BSN: variants seen among roughly 807,000 people sequenced by gnomAD.
BSN encodes the protein protein bassoon.
In BSN, 57 loss-of-function variants were observed where a neutral mutation model predicts 264.8. The ratio of observed to expected loss-of-function variants is 0.22; its 90% CI spans 0.17 to 0.27. BSN has a LOEUF of 0.27. Ranked by LOEUF, BSN falls within the 10% of genes least tolerant of loss-of-function variation. The probability of loss-of-function intolerance (pLI) is 1.00; values close to 1 mark genes in which losing one functional copy is unlikely to be tolerated. For synonymous variants in BSN, 2,059 were observed against 2,137.3 expected (o/e 0.96, Z 1.01); for missense variants, 4,615 against 5,232.5 (o/e 0.88, Z 3.64).
intron 2 of BSN, among the ~76,000 whole-genome samples, chr3:49,632,567 G>A (rs1221561800): frequency 6.6e-6 from 1 of 152,164 alleles, no homozygotes; most frequent in African/African-American, 2.4e-5. Flanking sequence ...ACTTTGGGAG[G>A]CTCAGGCAGG....
chr3:49,634,424 T>C (rs1458694382), intron 2 of BSN, among the ~76,000 whole-genome samples: 2 of 152,230 alleles, frequency 1.3e-5, no homozygotes, highest in African/African-American at 2.4e-5. Flanking sequence ...TTTTTTTTTA[T>C]TTGTTCATTT....
In BSN at chr3:49,663,662, G is replaced by T; in HGVS notation, c.11504G>T (p.Gly3835Val). 1.9e-6 allele frequency: 3 copies of T among 1,603,664 alleles called. No individual in the cohort carries two copies. Among genetic ancestry groups the T allele is most frequent in the Non-Finnish European group, 2.6e-6 (3 of 1,173,824 alleles). Residue 3835 changes from glycine to valine, a missense_variant, in exon 7 of 12, where the codon GGA (glycine) becomes GTA (valine). Physicochemically the swap from Gly to Val is moderately radical, Grantham distance 109. Coordinates refer to ENST00000296452, the MANE Select transcript of BSN (RefSeq NM_003458.4). Reference protein sequence around the residue: ...PSTATGPQPAGPPRAEQTNGS... With the variant: ...PSTATGPQPAVPPRAEQTNGS... ...ACAGCCACAGGTCCTCAACCAGCAG[G>T]ACCGGTAAGCAGAGCTCCCATGCAT... is the stretch of plus-strand genomic sequence containing the variant.
chr3:49,560,065 GT>G (rs887476120), intron 1 of BSN, among the ~76,000 whole-genome samples: 28 of 149,672 alleles, frequency 1.9e-4, no homozygotes, highest in Middle Eastern at 3.5e-3. Flanking sequence ...GAGGAAAGTT[GT>G]TTTTTTTTTC....
Position 49,585,461 on chromosome 3 carries a change from G to A in BSN, c.224+30635G>A, listed in dbSNP as rs1023407386. 2.0e-5 allele frequency among the ~76,000 whole-genome samples: 3 copies of A among 152,252 alleles called. No individual in the cohort carries two copies. The highest frequency in any genetic ancestry group is 7.2e-5 in the African/African-American group (3 of 41,536). On this transcript the variant is annotated intron_variant, in intron 1 of 11. Coordinates refer to ENST00000296452, the MANE Select transcript of BSN (RefSeq NM_003458.4). The surrounding 1 kb of genome is among the most constrained non-coding windows in gnomAD (Gnocchi z 4.7). ...AGCGGACAGACAGGGATTGGGTTTC[G>A]TGTGCCTGCCACACCAGGCAGGCTC...
chr3:49,665,313 A>T lies in BSN; in HGVS notation c.*99A>T, dbSNP rs1004488198. ...CTGGGCGCAGCTCTGGACTCTGCGT[A>T]TAACAGTGAGTGTCAGGATCAGGGT... On this transcript the variant is annotated 3_prime_UTR_variant, in exon 11 of 12. Coordinates refer to ENST00000296452, the MANE Select transcript of BSN (RefSeq NM_003458.4). The T allele has an allele frequency of 6.5e-6, 1 of 154,968 alleles. No individual in the cohort carries two copies. The highest frequency in any genetic ancestry group is 2.4e-5 in the African/African-American group (1 of 41,510). 9.6% of individuals were successfully genotyped at this position (154,968 alleles called of 1,614,324 possible). A position where few individuals can be genotyped will look rare whatever the true frequency, so the allele number is the denominator to read the frequency against.
chr3:49,575,636 G>GTA lies in BSN; in HGVS notation c.224+20818_224+20819dup, dbSNP rs765713548. Among the ~76,000 whole-genome samples the GTA allele has an allele frequency of 3.0e-5, 3 of 98,768 alleles. No homozygotes were observed. The East Asian group carries it at 1.0e-3, about 34-fold the overall frequency. 64.8% of individuals were successfully genotyped at this position (98,768 alleles called of 152,430 possible). ...ATGTGTATATATATAGTATATATATGTATATATATGTGTGTGTGTGTGTAT... is the reference window on the plus strand; with the variant it reads ...ATGTGTATATATATAGTATATATATGTATATATATATGTGTGTGTGTGTGTAT... On this transcript the variant is annotated intron_variant, in intron 1 of 11. Transcript: ENST00000296452.
chr3:49,620,458 A>C (rs2052296249), intron 1 of BSN, among the ~76,000 whole-genome samples: 1 of 150,732 alleles, frequency 6.6e-6, no homozygotes, highest in South Asian at 2.1e-4. Flanking sequence ...AAAAAAAAGA[A>C]AAAAAAAACA....
In BSN at chr3:49,652,924, G is replaced by A. The variant is rs763692113; in HGVS notation, c.3368G>A (p.Cys1123Tyr). 9.9e-6 allele frequency: 16 copies of A among 1,610,684 alleles called. No homozygotes were observed. The highest frequency in any genetic ancestry group is 1.4e-5 in the Non-Finnish European group (16 of 1,178,082). ...AEMEELHRSS[C>Y]SEYSPSPSLD... ...ATGGAGGAGCTACACCGCTCCTCCT[G>A]CTCTGAGTACTCACCCTCACCCTCC... Residue 1123 changes from cysteine (C) to tyrosine (Y), a missense_variant, in exon 5 of 12, where the codon TGC (cysteine) becomes TAC (tyrosine). Physicochemically the swap from Cys to Tyr is radical, Grantham distance 194. Coordinates refer to ENST00000296452, the MANE Select transcript of BSN (RefSeq NM_003458.4).
At chr3:49,648,154 A>G (rs1033635657) in intron 3 of BSN, among the ~76,000 whole-genome samples, 13 of 152,248 alleles carry the variant, frequency 8.5e-5, no homozygotes, top group Non-Finnish European at 1.8e-4. Context: ...TGGTCAGAGC[A>G]CTTAACATTA....
chr3:49,605,513 AATATAT>A (rs368926536), intron 1 of BSN, among the ~76,000 whole-genome samples: 2 of 3,636 alleles, frequency 5.5e-4, no homozygotes, highest in African/African-American at 1.2e-3. Context: ...TATATTATAT[AATATAT>A]ATATAATATA....
chr3:49,653,688 C>T lies in BSN; in HGVS notation c.4132C>T (p.Pro1378Ser). The T allele has an allele frequency of 6.2e-7, 1 of 1,613,846 alleles. No homozygotes were observed. The highest frequency in any genetic ancestry group is 8.5e-7 in the Non-Finnish European group (1 of 1,179,912). Residue 1378 changes from proline to serine, a missense_variant, in exon 5 of 12, where the codon CCT becomes TCT. Around this residue, in one of 3 missense-constraint regions of BSN, gnomAD observed 3,415 missense variants for 3,866.4 expected, o/e 0.88. Transcript: ENST00000296452. The surrounding 1 kb of genome is among the most constrained non-coding windows in gnomAD (Gnocchi z 6.3). The part of the protein sequence containing the change: ...KEIGMPFSQG[P>S]GTPATTAVAP... ...GATAGGCATGCCCTTTTCCCAGGGC[C>T]CTGGGACCCCAGCCACCACAGCTGT...
chr3:49,582,891 A>T (rs941369280), intron 1 of BSN, among the ~76,000 whole-genome samples: 1 of 152,110 alleles, frequency 6.6e-6, no homozygotes, highest in Non-Finnish European at 1.5e-5. Context: ...TTCTGCATCA[A>T]TTGAGGTAAA....
At chr3:49,663,908 C>G (rs768843303) in intron 8 of BSN, 22 bp downstream of exon 8, 1 of 1,609,888 alleles carries the variant, frequency 6.2e-7, no homozygotes, top group Non-Finnish European at 8.5e-7. Flanking sequence ...CTTTGACACC[C>G]TTGGCTGTGG....
intron 1 of BSN, among the ~76,000 whole-genome samples, chr3:49,603,698 CACA>C (rs1475087598): frequency 7.9e-5 from 12 of 152,182 alleles, no homozygotes; most frequent in Non-Finnish European, 1.6e-4. Context: ...TCTGTGAATT[CACA>C]TCATATAAAA....
chr3:49,662,635 C>A (rs950738030), intron 6 of BSN, 73 bp downstream of exon 6: 1 of 1,523,504 alleles, frequency 6.6e-7, no homozygotes, highest in African/African-American at 1.4e-5. Flanking sequence ...GGGCCCTGGG[C>A]CCTAAGATGT....
At position 49,664,833 on chromosome 3, in the gene BSN, CT is replaced by C. The variant is rs1559620501; in HGVS notation, c.11776del (p.Trp3926GlyfsTer9). ...SAFGKKFSSF[W>X] ...CTTTTGGCAAAAAATTTTCCTCATT[CT>C]GGTGACCATGCCCAGCATGGTGAGT... On this transcript the variant is annotated frameshift_variant, in exon 10 of 12. Transcript: ENST00000296452. LOFTEE classifies it high-confidence loss of function. The C allele has an allele frequency of 1.2e-6, 2 of 1,612,164 alleles. No individual in the cohort carries two copies.
chr3:49,613,303 CGAGAGAGAGAGAGAGAGAGAGAGAGA>C (rs752108805), intron 1 of BSN, among the ~76,000 whole-genome samples: 2 of 47,344 alleles, frequency 4.2e-5, no homozygotes. Context: ...ACACACAGAG[CGAGAGAGAGAGAGAGAGAGAGAGAGA>C]GAGAGAGAGA....
At chr3:49,630,826 A>G (rs181059243) in intron 2 of BSN, among the ~76,000 whole-genome samples, 360 of 152,350 alleles carry the variant, frequency 2.4e-3, no homozygotes, top group African/African-American at 8.2e-3. Context: ...AGAAGGCACA[A>G]GAAGGGGAGG....
At chr3:49,664,882 CT>C in intron 10 of BSN, 29 bp downstream of exon 10, 1 of 1,329,138 alleles carries the variant, frequency 7.5e-7, no homozygotes, top group Non-Finnish European at 1.1e-6. Flanking sequence ...TACCTTGCCT[CT>C]TCTGGGAAAG....
Sources: gnomAD v4.1 joint callset for allele counts (sites outside exome capture counted in the v4.1 genomes callset) on GRCh38, gnomAD v4.1.1 for gene constraint, gnomAD v4.1.1 regional missense constraint, Gnocchi (gnomAD v3.1) non-coding constraint, MANE v1.5 for transcripts, NCBI Gene and HGNC (gene_info 2026-07-23, HGNC 2026-07-21) for gene names.